PRKCI: variants seen among roughly 807,000 people sequenced by gnomAD.
The protein encoded by PRKCI is protein kinase C iota.
Under a neutral mutation model 84.0 loss-of-function variants are expected in PRKCI, and 43 were observed. That is an observed-to-expected ratio of 0.51 (90% confidence interval 0.40 to 0.66). The LOEUF (loss-of-function observed/expected upper bound fraction) is 0.66. PRKCI is among the 30% of genes least tolerant of loss of function. The pLI is 0.00. For synonymous variants in PRKCI, 216 were observed against 234.4 expected, an observed-to-expected ratio of 0.92 and a Z score of 0.72; for missense variants, 459 against 745.6, an observed-to-expected ratio of 0.62 and a Z score of 4.48.
chr3:170,293,405 T>C lies in PRKCI; in HGVS notation c.1314T>C (p.Ala438=), dbSNP rs756560914. The change falls in exon 14 of 18, where the codon GCT becomes GCC. Residue 438 remains alanine, a synonymous_variant. Coordinates refer to ENST00000295797, the MANE Select transcript of PRKCI (RefSeq NM_002740.6). ...EDYGFSVDWW[A]LGVLMFEMMA... is the part of the protein sequence containing the mutation. ...AAGGTTTCAGTGTTGACTGGTGGGC[T>C]CTTGGAGTGCTCATGTTTGAGATGA... 1.2e-4 allele frequency: 189 copies of C among 1,613,534 alleles called. No individual in the cohort carries two copies. The highest frequency in any genetic ancestry group is 1.5e-4 in the Non-Finnish European group (172 of 1,179,718).
At chr3:170,256,471 G>A (rs967684872) in intron 2 of PRKCI, among the ~76,000 whole-genome samples, 13 of 152,102 alleles carry the variant, frequency 8.5e-5, no homozygotes, top group African/African-American at 2.7e-4. Context: ...GTTGCTCATC[G>A]TAGCCTCTAA....
At chr3:170,230,961 TTG>T (rs1279467157) in intron 1 of PRKCI, among the ~76,000 whole-genome samples, 1 of 148,278 alleles carries the variant, frequency 6.7e-6, no homozygotes, top group Non-Finnish European at 1.5e-5. Context: ...TTTTTTTTTT[TTG>T]TTTTTTTTTT....
chr3:170,229,386 C>A (rs1732728876), intron 1 of PRKCI, among the ~76,000 whole-genome samples: 1 of 151,996 alleles, frequency 6.6e-6, no homozygotes, highest in Non-Finnish European at 1.5e-5. Context: ...TGATCTAGGC[C>A]CTCTGCAGCC....
chr3:170,245,692 A>G (rs536712704), intron 2 of PRKCI, among the ~76,000 whole-genome samples: 1 of 152,210 alleles, frequency 6.6e-6, no homozygotes, highest in South Asian at 2.1e-4. Flanking sequence ...CTAGGCAATC[A>G]CTGATCTGCT....
chr3:170,298,942 T>TG (rs886593723), intron 16 of PRKCI, 53 bp from the exon 17 acceptor site: 1 of 1,172,224 alleles, frequency 8.5e-7, no homozygotes, highest in Non-Finnish European at 1.3e-6. Context: ...ACTGTAGAGG[T>TG]GGAGTTTTTC....
At chr3:170,235,956 T>A (rs550212629) in intron 2 of PRKCI, among the ~76,000 whole-genome samples, 11 of 152,112 alleles carry the variant, frequency 7.2e-5, no homozygotes, top group East Asian at 1.9e-4. Context: ...TAAATTTTTT[T>A]TTTTTATTTT....
intron 3 of PRKCI, 39 bp from the exon 4 acceptor site, chr3:170,263,339 TA>T (rs869280950): frequency 6.6e-7 from 1 of 1,523,794 alleles, no homozygotes; most frequent in Non-Finnish European, 9.1e-7. Flanking sequence ...TTGTATGTTT[TA>T]AATATGCTGT....
In PRKCI at chr3:170,303,237, A is replaced by T. The variant is rs1734865996; in HGVS notation, c.*110A>T. The T allele has an allele frequency of 1.5e-6, 1 of 684,198 alleles. No individual in the cohort carries two copies. The highest frequency in any genetic ancestry group is 3.0e-5 in the Admixed American group (1 of 33,406). 42.4% of individuals were successfully genotyped at this position (684,198 alleles called of 1,614,324 possible). A position where few individuals can be genotyped will look rare whatever the true frequency, so the allele number is the denominator to read the frequency against. Reference sequence around the variant, plus strand: ...TTTTATATTTGCCACCTACAAAAAAACACCCAATATCTTCTCTTGTAGACT... The same window carrying T: ...TTTTATATTTGCCACCTACAAAAAATCACCCAATATCTTCTCTTGTAGACT... On this transcript the variant is annotated 3_prime_UTR_variant, in exon 18 of 18. Coordinates refer to ENST00000295797, the MANE Select transcript of PRKCI (RefSeq NM_002740.6).
At chr3:170,260,409 T>G (rs755945220) in intron 3 of PRKCI, among the ~76,000 whole-genome samples, 1 of 152,172 alleles carries the variant, frequency 6.6e-6, no homozygotes, top group Non-Finnish European at 1.5e-5. Context: ...CCTCCAAAGG[T>G]AAGGTATCTT....
intron 2 of PRKCI, among the ~76,000 whole-genome samples, chr3:170,250,442 C>T (rs1021823999): frequency 9.1e-6 from 1 of 109,712 alleles, no homozygotes; most frequent in Non-Finnish European, 1.9e-5. Context: ...ACCCCCCCCC[C>T]CCAAAAAAAA....
At chr3:170,246,259 T>A (rs2108842105) in intron 2 of PRKCI, among the ~76,000 whole-genome samples, 1 of 152,222 alleles carries the variant, frequency 6.6e-6, no homozygotes, top group South Asian at 2.1e-4. Context: ...TTCAAGTGAT[T>A]CTCTTGCCTC....
chr3:170,271,272 T>A lies in PRKCI; in HGVS notation c.591+711T>A, dbSNP rs1029691003. Among the ~76,000 whole-genome samples the A allele has an allele frequency of 2.0e-5, 3 of 152,254 alleles. No individual in the cohort carries two copies. In the South Asian group the frequency reaches 6.2e-4, roughly 32 times the overall value. On this transcript the variant is annotated intron_variant, in intron 6 of 17. Coordinates refer to ENST00000295797, the MANE Select transcript of PRKCI (RefSeq NM_002740.6). ...ACTAGACATCCAGCTCCAACAGTTA[T>A]CAACTCATGTCTAATCTTGGTTTCA...
At chr3:170,265,280 C>A (rs553148844) in intron 4 of PRKCI, among the ~76,000 whole-genome samples, 28 of 152,210 alleles carry the variant, frequency 1.8e-4, no homozygotes, top group Non-Finnish European at 3.2e-4. Context: ...ACAAGCTCTT[C>A]AGGTGATTCT....
At chr3:170,282,147 T>C (rs1734263843) in intron 11 of PRKCI, among the ~76,000 whole-genome samples, 179 bp downstream of exon 11, 1 of 152,204 alleles carries the variant, frequency 6.6e-6, no homozygotes, top group Non-Finnish European at 1.5e-5. Flanking sequence ...AATTATATAT[T>C]CTTTTACATT....
chr3:170,286,485 C>CTT (rs34674664), intron 12 of PRKCI, among the ~76,000 whole-genome samples: 713 of 65,598 alleles, frequency 0.011, 12 homozygotes, highest in South Asian at 0.023. Context: ...AACAATGAGG[C>CTT]TTTTTTTTTT....
At chr3:170,279,074 C>G (rs1734183744) in intron 8 of PRKCI, among the ~76,000 whole-genome samples, 1 of 152,180 alleles carries the variant, frequency 6.6e-6, no homozygotes, top group Admixed American at 6.5e-5. Flanking sequence ...GTGATGCAGG[C>G]TGGAGCGCAC....
chr3:170,291,627 G>T (rs1734553341), intron 12 of PRKCI: 2 of 401,548 alleles, frequency 5.0e-6, no homozygotes, highest in Admixed American at 3.6e-5. Flanking sequence ...AACCCAGGAG[G>T]TGGAGGTTGT....
At chr3:170,278,858 G>A (rs938981690) in intron 8 of PRKCI, among the ~76,000 whole-genome samples, 2 of 152,126 alleles carry the variant, frequency 1.3e-5, no homozygotes, top group African/African-American at 4.8e-5. Flanking sequence ...GGAGTCAGGG[G>A]AGGTGCCACA....
At chr3:170,230,218 C>T (rs181221223) in intron 1 of PRKCI, among the ~76,000 whole-genome samples, 12 of 148,218 alleles carry the variant, frequency 8.1e-5, no homozygotes, top group Admixed American at 6.8e-4. Context: ...CAGGGTAGAA[C>T]CCAGTGGCGT....
Sources: gnomAD v4.1 joint callset for allele counts (sites outside exome capture counted in the v4.1 genomes callset) on GRCh38, gnomAD v4.1.1 for gene constraint, MANE v1.5 for transcripts, NCBI Gene and HGNC (gene_info 2026-07-23, HGNC 2026-07-21) for gene names.